Variants in NIPSNAP3B observed in about 807,000 individuals in gnomAD.
NIPSNAP3B encodes nipsnap homolog 3B.
Under a neutral mutation model 31.5 loss-of-function variants are expected in NIPSNAP3B, and 30 were observed. The observed-to-expected ratio is 0.95, with a 90% CI of 0.71 to 1.29. The LOEUF (loss-of-function observed/expected upper bound fraction) is 1.29, where lower values mean the gene tolerates loss of function less well. NIPSNAP3B is among the 50% of genes most tolerant of loss of function. The pLI, the probability that NIPSNAP3B is intolerant of heterozygous loss-of-function variation, is 0.00. For missense variants in NIPSNAP3B, 269 were observed against 300.7 expected (o/e 0.89, Z 0.78); for synonymous variants, 106 against 107.9 (o/e 0.98, Z 0.11).
chr9:104,764,176 G>A lies in NIPSNAP3B; in HGVS notation c.-65G>A. 1.4e-6 allele frequency: 2 copies of A among 1,458,994 alleles called. No homozygotes were observed. Among genetic ancestry groups the A allele is most frequent in the African/African-American group, 1.4e-5 (1 of 71,096 alleles). The allele number at this position is 1,458,994 out of a possible 1,614,324, so 90.4% of individuals were successfully genotyped here. A position where few individuals can be genotyped will look rare whatever the true frequency, so the allele number is the denominator to read the frequency against. On this transcript the variant is annotated 5_prime_UTR_variant, in exon 1 of 6. Transcript: ENST00000374762. The stretch of plus-strand genomic sequence containing the variant: ...CCAGGAGCCGCTTTTTTCCACTCGG[G>A]AAGACTTCAGAGAAGTCTCACAAAG...
the NIPSNAP3B span, among the ~76,000 whole-genome samples, chr9:104,784,791 G>A: frequency 1.1e-3 from 165 of 152,160 alleles, 1 homozygote; most frequent in African/African-American, 3.8e-3. Flanking sequence ...CTACAAGTGC[G>A]CACCACCATG....
At chr9:104,790,857 C>CTATTTCTTT in the NIPSNAP3B span, 2 of 1,133,004 alleles carry the variant, frequency 1.8e-6, no homozygotes, top group Non-Finnish European at 2.7e-6. Context: ...AAATAACAAC[C>CTATTTCTTT]TATTTCTTTA....
the NIPSNAP3B span, chr9:104,784,103 C>T: frequency 1.7e-6 from 1 of 585,816 alleles, no homozygotes; most frequent in Non-Finnish European, 3.0e-6. Flanking sequence ...CACTTGAGAG[C>T]CATACAAGAC....
rs370387843 is a variant in NIPSNAP3B at position 104,766,423 on chromosome 9, G to A, written c.159G>A (p.Met53Ile). The A allele has an allele frequency of 1.7e-5, 27 of 1,613,698 alleles. No individual in the cohort carries two copies. Among genetic ancestry groups the A allele is most frequent in the Non-Finnish European group, 2.2e-5 (26 of 1,179,744 alleles). Reference sequence around the variant, plus strand: ...AACCTTCAAATATGAATGCGTTCATGGAAAATCTTAAGAAAAACATTCATC... The same window carrying A: ...AACCTTCAAATATGAATGCGTTCATAGAAAATCTTAAGAAAAACATTCATC... ...YLKPSNMNAF[M>I]ENLKKNIHLR... The change falls in exon 2 of 6, where the codon ATG becomes ATA. Residue 53 changes from methionine to isoleucine, a missense_variant. Physicochemically the swap from Met to Ile is conservative, Grantham distance 10. Coordinates refer to ENST00000374762, the MANE Select transcript of NIPSNAP3B (RefSeq NM_018376.4).
rs1254828979 is a variant in NIPSNAP3B at position 104,776,058 on chromosome 9, A to G, written c.*2985A>G. Among the ~76,000 whole-genome samples the G allele has an allele frequency of 2.0e-5, 3 of 152,106 alleles. No individual in the cohort carries two copies. The highest frequency in any genetic ancestry group is 4.8e-5 in the African/African-American group (2 of 41,400). ...CCAGATCATATCACTCCTCTGCTCA[A>G]CACCCCCTCCCAATACCTTCATGTC... On this transcript the variant is annotated 3_prime_UTR_variant, in exon 6 of 6. Transcript: ENST00000374762.
At chr9:104,772,052 T>C (rs1385278475) in intron 4 of NIPSNAP3B, among the ~76,000 whole-genome samples, 2 of 152,206 alleles carry the variant, frequency 1.3e-5, no homozygotes, top group African/African-American at 2.4e-5. Context: ...ATTCATGCCC[T>C]TTACCTACTT....
the NIPSNAP3B span, among the ~76,000 whole-genome samples, chr9:104,787,249 C>T: frequency 2.6e-5 from 4 of 151,972 alleles, no homozygotes; most frequent in African/African-American, 9.7e-5. Context: ...GGAAAAAGGC[C>T]ATTTAGTTGT....
At chr9:104,785,525 G>A in the NIPSNAP3B span, 2 of 1,614,160 alleles carry the variant, frequency 1.2e-6, no homozygotes, top group Non-Finnish European at 8.5e-7. Context: ...GCATGTTCCG[G>A]TGTTTCTCTT....
In NIPSNAP3B at chr9:104,773,121, C is replaced by A; in HGVS notation, c.*48C>A. 1 of 1,559,256 alleles carries A rather than the reference C, an allele frequency of 6.4e-7. No individual in the cohort carries two copies. The highest frequency in any genetic ancestry group is 1.1e-5 in the South Asian group (1 of 89,390). On this transcript the variant is annotated 3_prime_UTR_variant, in exon 6 of 6. Transcript: ENST00000374762. ...TTTCATTAACTGCTCTAAGATGTGT[C>A]TGCTAATGGTGCTTAAATTCTCCCA...
Position 104,775,222 on chromosome 9 carries a change from A to G in NIPSNAP3B, c.*2149A>G, listed in dbSNP as rs1458573688. Among the ~76,000 whole-genome samples the G allele has an allele frequency of 6.7e-6, 1 of 149,714 alleles. No homozygotes were observed. Among genetic ancestry groups the G allele is most frequent in the East Asian group, 2.0e-4 (1 of 5,120 alleles). ...AAAAAAAAAAGAGTAAAATCACCCC[A>G]TTTTTTTCCTTTACAATATGACTCA... is the stretch of plus-strand genomic sequence containing the variant. On this transcript the variant is annotated 3_prime_UTR_variant, in exon 6 of 6. Coordinates refer to ENST00000374762, the MANE Select transcript of NIPSNAP3B (RefSeq NM_018376.4).
intron 4 of NIPSNAP3B, 104 bp from the exon 5 acceptor site, chr9:104,772,712 CTTTTGA>C: frequency 1.5e-6 from 2 of 1,315,046 alleles, no homozygotes; most frequent in Non-Finnish European, 2.1e-6. Context: ...TTAGTTTTAC[CTTTTGA>C]TTTTGATTTA....
At chr9:104,778,685 C>T (rs1043776176), downstream of NIPSNAP3B, among the ~76,000 whole-genome samples, 3 of 152,190 alleles carry the variant, frequency 2.0e-5, no homozygotes, top group South Asian at 6.2e-4. Flanking sequence ...AGTCTGTCAG[C>T]AAGTCCTGCT....
intron 3 of NIPSNAP3B, among the ~76,000 whole-genome samples, chr9:104,770,559 T>C (rs1828193325): frequency 6.6e-6 from 1 of 152,190 alleles, no homozygotes; most frequent in African/African-American, 2.4e-5. Flanking sequence ...CCTGACAAAT[T>C]TTATAGATTA....
chr9:104,789,080 G>A, the NIPSNAP3B span, among the ~76,000 whole-genome samples: 1 of 152,202 alleles, frequency 6.6e-6, no homozygotes, highest in Non-Finnish European at 1.5e-5. Flanking sequence ...GAAGTTCAGT[G>A]TTCACGTTCC....
chr9:104,771,940 A>G (rs956903710), intron 4 of NIPSNAP3B, among the ~76,000 whole-genome samples: 3 of 152,126 alleles, frequency 2.0e-5, no homozygotes, highest in Non-Finnish European at 4.4e-5. Flanking sequence ...GTGAGATGGT[A>G]TCTAATTGTG....
chr9:104,771,866 T>C (rs1156458701), intron 4 of NIPSNAP3B, among the ~76,000 whole-genome samples: 1 of 152,206 alleles, frequency 6.6e-6, no homozygotes, highest in Non-Finnish European at 1.5e-5. Flanking sequence ...GTGTTCCCTT[T>C]TTTTCACAAC....
chr9:104,779,613 C>G (rs1039437792), downstream of NIPSNAP3B, among the ~76,000 whole-genome samples: 7 of 105,802 alleles, frequency 6.6e-5, no homozygotes, highest in Admixed American at 2.5e-4. Context: ...AAAACTGAAG[C>G]TAAGTGGGTT....
At chr9:104,786,167 C>A in the NIPSNAP3B span, 1 of 786,616 alleles carries the variant, frequency 1.3e-6, no homozygotes, top group Non-Finnish European at 2.1e-6. Context: ...TCAAAGCCCT[C>A]ATTCTTTCCA....
Position 104,773,025 on chromosome 9 carries a change from T to G in NIPSNAP3B, c.696T>G (p.Ser232=). The change falls in exon 6 of 6, where the codon TCT becomes TCG. Residue 232 remains serine (S), a synonymous_variant. Transcript: ENST00000374762. ...GGGAAAGTGTCAACTACCTAGTTTC[T>G]CAGCAGAATATGCTTCTGATTCCTG... ...AVRESVNYLV[S]QQNMLLIPAS... 1.9e-6 allele frequency: 3 copies of G among 1,614,162 alleles called. No individual in the cohort carries two copies. The highest frequency in any genetic ancestry group is 2.5e-6 in the Non-Finnish European group (3 of 1,179,974).
Sources: gnomAD v4.1 joint callset for allele counts (sites outside exome capture counted in the v4.1 genomes callset) on GRCh38, gnomAD v4.1.1 for gene constraint, MANE v1.5 for transcripts, NCBI Gene and HGNC (gene_info 2026-07-23, HGNC 2026-07-21) for gene names.